The following MMD2 variants were observed in gnomAD, a reference collection of about 807,000 sequenced individuals.
MMD2 encodes the protein monocyte to macrophage differentiation factor 2.
A neutral mutation model predicts 33.5 loss-of-function variants in MMD2; 30 were observed. That is an observed-to-expected ratio of 0.90 (90% CI 0.67 to 1.22). MMD2 has a LOEUF of 1.22. Ranked by LOEUF, MMD2 falls within the 50% of genes most tolerant of loss-of-function variation. MMD2 has a pLI of 0.00. For synonymous variants in MMD2, 129 were observed against 123.0 expected (o/e 1.05, Z -0.32); for missense variants, 364 against 325.4 (o/e 1.12, Z -0.91).
downstream of MMD2, among the ~76,000 whole-genome samples, chr7:4,903,419 A>G (rs73314065): frequency 9.1e-4 from 137 of 151,086 alleles, 1 homozygote; most frequent in Non-Finnish European, 1.4e-3. Flanking sequence ...GCGCTATCCT[A>G]TGATTCTCCC....
chr7:4,937,335 T>A (rs1468756135), intron 1 of MMD2, among the ~76,000 whole-genome samples: 1 of 150,788 alleles, frequency 6.6e-6, no homozygotes, highest in African/African-American at 2.4e-5. Context: ...AGGTGGAGGT[T>A]GCAGTGAGCC....
intron 1 of MMD2, among the ~76,000 whole-genome samples, chr7:4,957,143 G>T (rs1786405155): frequency 6.8e-6 from 1 of 147,194 alleles, no homozygotes; most frequent in South Asian, 2.2e-4. Context: ...TCCAGAGTCG[G>T]CAACAGAGTG....
intron 1 of MMD2, among the ~76,000 whole-genome samples, chr7:4,947,117 A>AGAATC (rs1259950607): frequency 6.6e-6 from 1 of 152,022 alleles, no homozygotes; most frequent in African/African-American, 2.4e-5. Context: ...CTGAGGCAGG[A>AGAATC]GAATCGCTTG....
At chr7:4,958,151 C>T (rs935715101) in intron 1 of MMD2, among the ~76,000 whole-genome samples, 2 of 152,180 alleles carry the variant, frequency 1.3e-5, no homozygotes, top group Non-Finnish European at 2.9e-5. Context: ...GAGGCCCCCG[C>T]GGGCTGCTCC....
At position 4,906,245 on chromosome 7, in the gene MMD2, T is replaced by C. The variant is rs376061688; in HGVS notation, c.*1151A>G. ...CTCCCCAGTAAATGTCCAGGCAGCA[T>C]TGGACAGAGAGGCTGGCCCCGCCCT... On this transcript the variant is annotated 3_prime_UTR_variant, in exon 7 of 7. Transcript: ENST00000401401. 71 of 367,094 alleles carry C rather than the reference T, an allele frequency of 1.9e-4. No individual in the cohort carries two copies. The highest frequency in any genetic ancestry group is 1.0e-3 in the African/African-American group (49 of 48,032). 22.7% of individuals were successfully genotyped at this position (367,094 alleles called of 1,614,324 possible).
At chr7:4,926,155 T>C (rs1023830568) in intron 1 of MMD2, among the ~76,000 whole-genome samples, 4 of 151,102 alleles carry the variant, frequency 2.6e-5, no homozygotes, top group African/African-American at 9.8e-5. Flanking sequence ...TGGAGTGCAG[T>C]GGTGCAATCA....
At chr7:4,922,877 C>T (rs545002593) in intron 2 of MMD2, among the ~76,000 whole-genome samples, 122 of 152,280 alleles carry the variant, frequency 8.0e-4, no homozygotes, top group African/African-American at 2.8e-3. Flanking sequence ...CATCACCCTG[C>T]CCTCACCCTG....
chr7:4,937,034 C>T (rs1443721550), intron 1 of MMD2, among the ~76,000 whole-genome samples: 1 of 151,494 alleles, frequency 6.6e-6, no homozygotes, highest in Non-Finnish European at 1.5e-5. Context: ...CCATGCCCAG[C>T]CCACACAGTC....
At chr7:4,938,002 C>CTTTTTTTTTTTTTTTTTTTTTTTTTTTTT (rs1165504272) in intron 1 of MMD2, among the ~76,000 whole-genome samples, 42 of 45,650 alleles carry the variant, frequency 9.2e-4, no homozygotes, top group Admixed American at 1.6e-3. Flanking sequence ...TTCTTTCTTT[C>CTTTTTTTTTTTTTTTTTTTTTTTTTTTTT]TTTTTTTTTT....
At chr7:4,893,593 C>G in the MMD2 span, among the ~76,000 whole-genome samples, 2 of 151,442 alleles carry the variant, frequency 1.3e-5, no homozygotes, top group Non-Finnish European at 1.5e-5. Context: ...GGTTTTGCCA[C>G]GTTGGTCAGG....
downstream of MMD2, among the ~76,000 whole-genome samples, chr7:4,905,288 AGAAGAAGAAGAG>A (rs1363181671): frequency 2.8e-5 from 4 of 144,742 alleles, no homozygotes; most frequent in Non-Finnish European, 4.4e-5. This position sits in a 1 kb window ranked among gnomAD's most constrained non-coding sequence, Gnocchi z 5.0. Flanking sequence ...AAGAGGAAGA[AGAAGAAGAAGAG>A]GAAGAGGAAG....
At chr7:4,916,144 AGCCGTGCCCTGGACTGATCGT>A (rs1785137139) in intron 3 of MMD2, 65 bp from the exon 4 acceptor site, 5 of 1,498,162 alleles carry the variant, frequency 3.3e-6, no homozygotes, top group Middle Eastern at 2.0e-4. Context: ...GTGCCCCCAG[AGCCGTGCCCTGGACTGATCGT>A]GCCTGCCTAC....
intron 1 of MMD2, among the ~76,000 whole-genome samples, chr7:4,930,830 G>A (rs947156163): frequency 8.5e-5 from 13 of 152,156 alleles, no homozygotes; most frequent in Admixed American, 8.5e-4. Context: ...GGTGCATGTC[G>A]TGCTTGTTTT....
At chr7:4,922,931 G>C (rs2115108111) in intron 2 of MMD2, among the ~76,000 whole-genome samples, 1 of 152,292 alleles carries the variant, frequency 6.6e-6, no homozygotes, top group East Asian at 1.9e-4. Context: ...AAATGAATAA[G>C]TTAACAGCAG....
intron 1 of MMD2, among the ~76,000 whole-genome samples, chr7:4,935,113 G>T (rs1785701947): frequency 6.6e-6 from 1 of 152,038 alleles, no homozygotes; most frequent in Non-Finnish European, 1.5e-5. Context: ...TTGAACCCGG[G>T]AGGCAGAGGT....
intron 1 of MMD2, among the ~76,000 whole-genome samples, chr7:4,930,382 G>T (rs754695740): frequency 1.3e-5 from 2 of 151,794 alleles, no homozygotes; most frequent in East Asian, 3.9e-4. Context: ...GCTCACACCT[G>T]TAATCCCAGC....
At chr7:4,931,909 A>C (rs983108021) in intron 1 of MMD2, among the ~76,000 whole-genome samples, 4 of 152,154 alleles carry the variant, frequency 2.6e-5, no homozygotes, top group Admixed American at 1.3e-4. Flanking sequence ...GCCCTCCAGG[A>C]GGCCGGGCCA....
At chr7:4,938,246 T>G (rs1036261759) in intron 1 of MMD2, among the ~76,000 whole-genome samples, 1 of 151,940 alleles carries the variant, frequency 6.6e-6, no homozygotes, top group Non-Finnish European at 1.5e-5. Flanking sequence ...CCTGACCTCG[T>G]GATCCGCCCA....
At chr7:4,933,393 T>A (rs1286209982) in intron 1 of MMD2, among the ~76,000 whole-genome samples, 1 of 152,134 alleles carries the variant, frequency 6.6e-6, no homozygotes, top group Non-Finnish European at 1.5e-5. Context: ...GGTAAATTTG[T>A]TTTATACTAA....
Sources: allele counts gnomAD v4.1 joint callset (sites outside exome capture counted in the v4.1 genomes callset), GRCh38; gene constraint gnomAD v4.1.1; non-coding constraint Gnocchi (gnomAD v3.1); transcripts MANE v1.5; gene names NCBI Gene and HGNC (gene_info 2026-07-23, HGNC 2026-07-21).